NBPF11: variants seen among roughly 807,000 people sequenced by gnomAD.
NBPF11 encodes the protein NBPF member 11.
NBPF11 carries 72 observed loss-of-function variants against 93.9 expected under a neutral mutation model. The ratio of observed to expected loss-of-function variants is 0.77; its 90% CI spans 0.63 to 0.93. The LOEUF is 0.93. Ranked by LOEUF, NBPF11 falls within the 40% of genes least tolerant of loss-of-function variation. The pLI, the probability that NBPF11 is intolerant of heterozygous loss-of-function variation, is 0.00. For missense variants in NBPF11, 705 were observed against 802.2 expected, an observed-to-expected ratio of 0.88 and a Z score of 1.46; for synonymous variants, 224 against 304.9, an observed-to-expected ratio of 0.73 and a Z score of 2.76.
At position 148,124,940 on chromosome 1, in the gene NBPF11, C is replaced by G; in HGVS notation, c.237G>C (p.Glu79Asp). The change falls in exon 6 of 24, where the codon GAG becomes GAC. Residue 79 changes from glutamate to aspartate, a missense_variant. This residue lies in a region of NBPF11 where 128 missense variants were observed against 112.8 expected (regional missense o/e 1.14). Coordinates refer to ENST00000682118, the MANE Select transcript of NBPF11 (RefSeq NM_001385469.3). ...FMLRNERQFKEEKLAEQLKQA... is the reference protein window; with the variant it reads ...FMLRNERQFKDEKLAEQLKQA... ...GCTTGAGCTGCTCTGCAAGCTTCTCCTCCTTGAACTGTCGCTCATTCCTCA... is the reference window on the plus strand; with the variant it reads ...GCTTGAGCTGCTCTGCAAGCTTCTCGTCCTTGAACTGTCGCTCATTCCTCA... The G allele has an allele frequency of 1.9e-6, 3 of 1,609,996 alleles. No individual in the cohort carries two copies. Among genetic ancestry groups the G allele is most frequent in the Non-Finnish European group, 1.7e-6 (2 of 1,179,766 alleles).
chr1:148,129,155 TTA>T (rs1278388842), intron 4 of NBPF11, among the ~76,000 whole-genome samples: 10,806 of 137,794 alleles, frequency 0.078, 554 homozygotes, highest in South Asian at 0.13. Context: ...TGTATATATA[TTA>T]TATATATATA....
chr1:148,125,748 T>G (rs1668967870), intron 5 of NBPF11, among the ~76,000 whole-genome samples: 1 of 151,916 alleles, frequency 6.6e-6, no homozygotes, highest in Non-Finnish European at 1.5e-5. Context: ...ATTGCAGCAA[T>G]TTACAGAGGT....
At chr1:148,117,111 G>A (rs1311707246) in intron 12 of NBPF11, among the ~76,000 whole-genome samples, 3 of 151,964 alleles carry the variant, frequency 2.0e-5, no homozygotes, top group Non-Finnish European at 4.4e-5. Flanking sequence ...GCAGTTGTAA[G>A]TGTTCCCACA....
rs1404713086 is a variant in NBPF11, at chr1:148,103,597, T to A, written c.*299A>T. 78,022 of 1,608,404 alleles carry A rather than the reference T, an allele frequency of 0.049. 1,014 individuals carry two copies. The highest frequency in any genetic ancestry group is 0.055 in the Middle Eastern group (242 of 4,408). On this transcript the variant is annotated 3_prime_UTR_variant, in exon 24 of 24. Transcript: ENST00000682118. ...TCTGGGCTTCCAAATGGAACTATAG[T>A]TTCATTCAAATCTTCAGGTGCCTAT...
chr1:148,146,631 C>T (rs1351573626), intron 1 of NBPF11: 1 of 1,611,334 alleles, frequency 6.2e-7, no homozygotes, highest in East Asian at 2.2e-5. Flanking sequence ...TCCAGTACAG[C>T]CAGCGCGAGC....
At position 148,149,558 on chromosome 1, in the gene NBPF11, C is replaced by A. The variant is rs1298088048; in HGVS notation, c.-549+2192G>T. Reference sequence around the variant, plus strand: ...CATCTCCCAGGAGCTGCCCAGCCAGCGCGCCTAGCGGCGGCCCCAACCAGC... The same window carrying A: ...CATCTCCCAGGAGCTGCCCAGCCAGAGCGCCTAGCGGCGGCCCCAACCAGC... On this transcript the variant is annotated intron_variant, in intron 1 of 23. Coordinates refer to ENST00000682118, the MANE Select transcript of NBPF11 (RefSeq NM_001385469.3). 3.1e-5 allele frequency: 49 copies of A among 1,594,014 alleles called. 3 individuals are homozygous for A. In the African/African-American group the frequency reaches 4.8e-4, roughly 16 times the overall value.
Position 148,136,774 on chromosome 1 carries a change from C to A in NBPF11, c.-178+937G>T, listed in dbSNP as rs1201491738. 1.2e-4 allele frequency among the ~76,000 whole-genome samples: 18 copies of A among 151,938 alleles called. 2 individuals are homozygous for A. Among genetic ancestry groups the A allele is most frequent in the African/African-American group, 4.4e-4 (18 of 41,240 alleles). Reference sequence around the variant, plus strand: ...TCATTTCACATTAGGGACAGATAAGCTGTTTGTTCAGTTTCACAGGTCGAC... The same window carrying A: ...TCATTTCACATTAGGGACAGATAAGATGTTTGTTCAGTTTCACAGGTCGAC... On this transcript the variant is annotated intron_variant, in intron 3 of 23. Coordinates refer to ENST00000682118, the MANE Select transcript of NBPF11 (RefSeq NM_001385469.3).
chr1:148,144,948 A>G (rs1672758066), intron 1 of NBPF11, among the ~76,000 whole-genome samples: 1 of 149,660 alleles, frequency 6.7e-6, no homozygotes, highest in Non-Finnish European at 1.5e-5. Flanking sequence ...TACAGAAAAT[A>G]CAAAAATTAG....
chr1:148,106,089 T>C (rs1461001275), intron 21 of NBPF11, 92 bp downstream of exon 21: 4 of 573,568 alleles, frequency 7.0e-6, no homozygotes, highest in South Asian at 2.0e-5. Context: ...GTTGAAAAGA[T>C]GTAATCGATA....
chr1:148,151,683 C>T (rs1648398650), intron 1 of NBPF11, 67 bp downstream of exon 1: 2 of 152,426 alleles, frequency 1.3e-5, no homozygotes, highest in Non-Finnish European at 2.9e-5. Flanking sequence ...CCCGCCGCGC[C>T]TCAGCCCAGC....
intron 12 of NBPF11, among the ~76,000 whole-genome samples, chr1:148,116,976 G>A (rs1215650964): frequency 0.033 from 5,044 of 152,190 alleles, 22 homozygotes; most frequent in East Asian, 0.11. Flanking sequence ...CTTCTGCTGT[G>A]TTATTCAGGG....
Position 148,103,912 on chromosome 1 carries a change from C to T in NBPF11, c.2582G>A (p.Gly861Asp), listed in dbSNP as rs1318187806. ...GKKIKTHHAP[G>D]SAAC ...CCACTTCCATCAGCACGCTGCTGAG[C>T]CTGGAAAAGGAGACAAAACTAAAGA... is the stretch of plus-strand genomic sequence containing the variant. The change falls in exon 24 of 24, where the codon GGC becomes GAC. Residue 861 changes from glycine (G) to aspartate (D), a missense_variant and splice_region_variant. Coordinates refer to ENST00000682118, the MANE Select transcript of NBPF11 (RefSeq NM_001385469.3). The T allele has an allele frequency of 1.1e-5, 18 of 1,610,822 alleles. No homozygotes were observed. Among genetic ancestry groups the T allele is most frequent in the Non-Finnish European group, 1.4e-5 (17 of 1,179,092 alleles).
intron 1 of NBPF11, chr1:148,146,767 G>T: frequency 1.9e-6 from 3 of 1,613,082 alleles, no homozygotes; most frequent in Non-Finnish European, 2.5e-6. Flanking sequence ...CGTGGACCTG[G>T]GCCAGATGAG....
At chr1:148,105,747 A>ACACACACAC (rs1663421648) in intron 21 of NBPF11, among the ~76,000 whole-genome samples, 4 of 74,204 alleles carry the variant, frequency 5.4e-5, no homozygotes, top group African/African-American at 3.3e-4. Flanking sequence ...CACACACACA[A>ACACACACAC]ACACACACAC....
intron 1 of NBPF11, chr1:148,146,538 C>T (rs1673114617): frequency 1.1e-5 from 17 of 1,603,428 alleles, no homozygotes; most frequent in South Asian, 8.8e-5. Flanking sequence ...CTGGTGGGGC[C>T]GGGGCCGCCC....
Position 148,127,056 on chromosome 1 carries a change from A to G in NBPF11, c.-35-18T>C. 1 of 555,020 alleles carries G rather than the reference A, an allele frequency of 1.8e-6. No individual in the cohort carries two copies. The highest frequency in any genetic ancestry group is 3.3e-5 in the Admixed American group (1 of 30,764). The allele number at this position is 555,020 out of a possible 1,614,324, so 34.4% of individuals were successfully genotyped here. A position where few individuals can be genotyped will look rare whatever the true frequency, so the allele number is the denominator to read the frequency against. ...GTCAGGGACTGGGGAGAAGAAACCCAAACATATGATGGGTTAAAAACTGGT... is the reference window on the plus strand; with the variant it reads ...GTCAGGGACTGGGGAGAAGAAACCCGAACATATGATGGGTTAAAAACTGGT... On this transcript the variant is annotated intron_variant, in intron 4 of 23. Coordinates refer to ENST00000682118, the MANE Select transcript of NBPF11 (RefSeq NM_001385469.3).
intron 3 of NBPF11, among the ~76,000 whole-genome samples, chr1:148,136,410 A>T (rs1308295237): frequency 2.0e-5 from 3 of 151,856 alleles, no homozygotes; most frequent in African/African-American, 7.3e-5. Context: ...AATGTGATAC[A>T]TTCATTCCAT....
chr1:148,141,008 G>A lies in NBPF11; in HGVS notation c.-277+2407C>T, dbSNP rs1472290145. On this transcript the variant is annotated intron_variant, in intron 2 of 23. Coordinates refer to ENST00000682118, the MANE Select transcript of NBPF11 (RefSeq NM_001385469.3). ...ACAAGCTATCAAGTCATGAAAAGGCGTGGAGGAACTTAAACTACATAATGC... is the reference window on the plus strand; with the variant it reads ...ACAAGCTATCAAGTCATGAAAAGGCATGGAGGAACTTAAACTACATAATGC... 1.3e-4 allele frequency among the ~76,000 whole-genome samples: 20 copies of A among 152,144 alleles called. No individual in the cohort carries two copies. The East Asian group carries it at 1.4e-3, about 10-fold the overall frequency.
chr1:148,146,015 T>C (rs1322588950), intron 1 of NBPF11, among the ~76,000 whole-genome samples: 1 of 151,990 alleles, frequency 6.6e-6, no homozygotes, highest in African/African-American at 2.4e-5. Flanking sequence ...GAATAAAGTA[T>C]TACAAATCAA....
Sources: gnomAD v4.1 joint callset for allele counts (sites outside exome capture counted in the v4.1 genomes callset) on GRCh38, gnomAD v4.1.1 for gene constraint, gnomAD v4.1.1 regional missense constraint, MANE v1.5 for transcripts, NCBI Gene and HGNC (gene_info 2026-07-23, HGNC 2026-07-21) for gene names.